DIAPH3: variants seen among roughly 807,000 people sequenced by gnomAD.
DIAPH3 encodes the protein protein diaphanous homolog 3.
A neutral mutation model predicts 144.3 loss-of-function variants in DIAPH3; 117 were observed. The observed-to-expected ratio is 0.81, with a 90% CI of 0.70 to 0.95. The LOEUF is 0.95. Ranked by LOEUF, DIAPH3 falls within the 40% of genes least tolerant of loss-of-function variation. DIAPH3 has a pLI of 0.00. For synonymous variants in DIAPH3, 519 were observed against 488.9 expected, an observed-to-expected ratio of 1.06 and a Z score of -0.81; for missense variants, 1,421 against 1,412.7, an observed-to-expected ratio of 1.01 and a Z score of -0.09.
intron 14 of DIAPH3, among the ~76,000 whole-genome samples, chr13:59,979,864 T>A (rs997565287): frequency 1.3e-5 from 2 of 151,650 alleles, no homozygotes; most frequent in Admixed American, 6.6e-5. Flanking sequence ...CGTCACTCCT[T>A]CAATGTGAAA....
intron 14 of DIAPH3, among the ~76,000 whole-genome samples, chr13:59,977,949 C>T (rs564577952): frequency 6.6e-6 from 1 of 151,678 alleles, no homozygotes; most frequent in South Asian, 2.1e-4. Context: ...TTGGCTATCT[C>T]GCGTTGTTCT....
rs145913400 is a variant in DIAPH3 at position 59,924,367 on chromosome 13, C to T, written c.2170+408G>A. ...ATCCTTATTTCCGTTAATATTATAACCTCCTTTATGTGTGATCAAGTATCA... is the reference window on the plus strand; with the variant it reads ...ATCCTTATTTCCGTTAATATTATAATCTCCTTTATGTGTGATCAAGTATCA... On this transcript the variant is annotated intron_variant, in intron 18 of 27. Transcript: ENST00000400324. 3.4e-3 allele frequency among the ~76,000 whole-genome samples: 514 copies of T among 152,166 alleles called. 3 individuals are homozygous for T. The highest frequency in any genetic ancestry group is 0.012 in the African/African-American group (490 of 41,534).
chr13:59,779,336 A>T (rs988417620), intron 25 of DIAPH3, among the ~76,000 whole-genome samples: 1 of 152,194 alleles, frequency 6.6e-6, no homozygotes, highest in African/African-American at 2.4e-5. Flanking sequence ...TTAATGAGGG[A>T]ATCAAATGAG....
chr13:60,160,994 G>A (rs778702361), intron 1 of DIAPH3, among the ~76,000 whole-genome samples: 6 of 152,178 alleles, frequency 3.9e-5, no homozygotes, highest in Admixed American at 1.3e-4. Context: ...AGGACTCAAA[G>A]TAAAACAAGA....
In DIAPH3 at chr13:60,042,816, C is replaced by A. The variant is rs534808786; in HGVS notation, c.500G>T (p.Ser167Ile). ...QYINTASKTG[S>I]LKRSRQISPQ... ...TGAGATCTGTCGGCTTCTCTTAAGA[C>A]TTCCCTATAAAATAAGTCAAAAAAT... The change falls in exon 5 of 28, where the codon AGT becomes ATT. Residue 167 changes from serine (S) to isoleucine (I), a missense_variant. Physicochemically the swap from Ser to Ile is moderately radical, Grantham distance 142 (BLOSUM62 -2). Coordinates refer to ENST00000400324, the MANE Select transcript of DIAPH3 (RefSeq NM_001042517.2). 12 of 1,613,226 alleles carry A rather than the reference C, an allele frequency of 7.4e-6. No individual in the cohort carries two copies. The highest frequency in any genetic ancestry group is 1.3e-5 in the African/African-American group (1 of 75,000).
intron 17 of DIAPH3, among the ~76,000 whole-genome samples, chr13:59,967,069 T>G (rs563470651): frequency 3.9e-5 from 6 of 151,970 alleles, no homozygotes; most frequent in Middle Eastern, 3.4e-3. Context: ...GTTTTTTTGT[T>G]TTTTTGTGTT....
chr13:60,050,380 T>C (rs1397726442), intron 4 of DIAPH3, among the ~76,000 whole-genome samples: 1 of 151,986 alleles, frequency 6.6e-6, no homozygotes, highest in African/African-American at 2.4e-5. Flanking sequence ...ACGACAAGAG[T>C]TACAGATGAC....
chr13:59,695,549 T>C (rs1469031965), intron 27 of DIAPH3: 1 of 152,206 alleles, frequency 6.6e-6, no homozygotes, highest in Non-Finnish European at 1.5e-5. Context: ...TAAATGGCCA[T>C]GGTCTCCTCT....
At chr13:59,729,643 CAAAA>C (rs527884436) in intron 27 of DIAPH3, among the ~76,000 whole-genome samples, 1 of 149,402 alleles carries the variant, frequency 6.7e-6, no homozygotes, top group African/African-American at 2.5e-5. Flanking sequence ...AACCCACATA[CAAAA>C]AAAAATGCAT....
rs1284421625 is a variant in DIAPH3 at position 59,666,788 on chromosome 13, G to A, written c.3378C>T (p.Asn1126=). 5 of 1,614,100 alleles carry A rather than the reference G, an allele frequency of 3.1e-6. No individual in the cohort carries two copies. Among genetic ancestry groups the A allele is most frequent in the Admixed American group, 1.7e-5 (1 of 60,016 alleles). ...GSRSHYNINC[N]STRTPVAKEL... ...CCTTGGCGACTGGAGTCCTTGTTGA[G>A]TTGCAATTGATATTGTAGTGTGAAC... Residue 1126 remains asparagine (N), a synonymous_variant, in exon 28 of 28, where the codon AAC becomes AAT. Coordinates refer to ENST00000400324, the MANE Select transcript of DIAPH3 (RefSeq NM_001042517.2).
intron 27 of DIAPH3, among the ~76,000 whole-genome samples, chr13:59,718,521 G>T (rs928233169): frequency 2.6e-5 from 4 of 152,052 alleles, no homozygotes. Flanking sequence ...TAAATATAAA[G>T]AACTTAATGA....
At chr13:59,881,261 T>C (rs922167085) in intron 20 of DIAPH3, among the ~76,000 whole-genome samples, 2 of 152,028 alleles carry the variant, frequency 1.3e-5, no homozygotes, top group Non-Finnish European at 2.9e-5. Context: ...TAATGCTCTA[T>C]TACACTTAAT....
At chr13:59,859,372 G>T (rs1229323744) in intron 22 of DIAPH3, among the ~76,000 whole-genome samples, 2 of 151,906 alleles carry the variant, frequency 1.3e-5, no homozygotes, top group African/African-American at 4.8e-5. Context: ...ATACCCAGAA[G>T]AACCAAACCA....
At chr13:59,777,670 G>A (rs1428929577) in intron 25 of DIAPH3, among the ~76,000 whole-genome samples, 4 of 152,080 alleles carry the variant, frequency 2.6e-5, no homozygotes, top group African/African-American at 4.8e-5. Context: ...GTAGCACTTC[G>A]CACAAAAATA....
chr13:60,034,983 A>G (rs186281646), intron 5 of DIAPH3, among the ~76,000 whole-genome samples: 2 of 152,316 alleles, frequency 1.3e-5, no homozygotes, highest in East Asian at 1.9e-4. Flanking sequence ...TAAAAAGTCA[A>G]TCTTGGCCAT....
At chr13:59,775,521 C>T (rs888416026) in intron 25 of DIAPH3, among the ~76,000 whole-genome samples, 3 of 152,184 alleles carry the variant, frequency 2.0e-5, no homozygotes, top group Non-Finnish European at 4.4e-5. Flanking sequence ...GGATTACAGG[C>T]GTGAGCCACT....
At chr13:60,163,350 T>C (rs776331677) in intron 1 of DIAPH3, among the ~76,000 whole-genome samples, 20 of 152,224 alleles carry the variant, frequency 1.3e-4, no homozygotes, top group African/African-American at 4.8e-4. Context: ...TCAATACATA[T>C]ACACGTTTGA....
chr13:59,881,007 G>T (rs910681115), intron 20 of DIAPH3, among the ~76,000 whole-genome samples: 2 of 134,738 alleles, frequency 1.5e-5, no homozygotes, highest in South Asian at 4.9e-4. Flanking sequence ...AGAAGAAGAA[G>T]AAATATCATT....
At chr13:59,883,135 G>T (rs2045195759) in intron 20 of DIAPH3, among the ~76,000 whole-genome samples, 1 of 152,114 alleles carries the variant, frequency 6.6e-6, no homozygotes, top group Non-Finnish European at 1.5e-5. Flanking sequence ...GCTGTGAGGG[G>T]CACAGGAGCC....
Sources: allele counts gnomAD v4.1 joint callset (sites outside exome capture counted in the v4.1 genomes callset), GRCh38; gene constraint gnomAD v4.1.1; transcripts MANE v1.5; gene names NCBI Gene and HGNC (gene_info 2026-07-23, HGNC 2026-07-21).